Variants in RALYL observed in about 807,000 individuals in gnomAD.
RALYL encodes the protein RNA-binding Raly-like protein.
RALYL carries 29 observed loss-of-function variants against 35.1 expected under a neutral mutation model. The ratio of observed to expected loss-of-function variants is 0.83; its 90% confidence interval spans 0.61 to 1.13. The LOEUF is 1.13. Among genes scored for constraint, RALYL ranks in the 50% most tolerant of loss-of-function variants. The probability of loss-of-function intolerance (pLI) is 0.00; values close to 1 mark genes in which losing one functional copy is unlikely to be tolerated. For synonymous variants in RALYL, 120 were observed against 127.6 expected, an observed-to-expected ratio of 0.94 and a Z score of 0.40; for missense variants, 359 against 360.4, an observed-to-expected ratio of 1.00 and a Z score of 0.03.
intron 1 of RALYL, among the ~76,000 whole-genome samples, chr8:84,312,966 G>T (rs1452548944): frequency 2.0e-5 from 3 of 152,200 alleles, no homozygotes; most frequent in Non-Finnish European, 4.4e-5. Context: ...TGAGGGCTCT[G>T]CCCCTGCAGC....
At chr8:84,893,050 A>G (rs530737861) in intron 8 of RALYL, among the ~76,000 whole-genome samples, 15 of 152,346 alleles carry the variant, frequency 9.8e-5, no homozygotes, top group African/African-American at 3.1e-4. Context: ...GACAAAAAAT[A>G]CAATGCAGCA....
rs74275174 is a variant in RALYL, at chr8:84,411,495, CT to C, written c.-23-117794del. On this transcript the variant is annotated intron_variant, in intron 1 of 8. Coordinates refer to ENST00000521268, the MANE Select transcript of RALYL (RefSeq NM_173848.7). Reference sequence around the variant, plus strand: ...TATGGGGAACATTGAATTCTTTTTACTTTTTTTTTTCCTGGTTTTGTTCTTT... The same window carrying C: ...TATGGGGAACATTGAATTCTTTTTACTTTTTTTTTCCTGGTTTTGTTCTTT... Among the ~76,000 whole-genome samples, 8 of 149,472 alleles carry C rather than the reference CT, an allele frequency of 5.4e-5. No individual in the cohort carries two copies. In the East Asian group the frequency reaches 7.8e-4, roughly 15 times the overall value.
chr8:84,717,209 T>C (rs1843086517), intron 2 of RALYL, among the ~76,000 whole-genome samples: 1 of 152,140 alleles, frequency 6.6e-6, no homozygotes, highest in Non-Finnish European at 1.5e-5. Flanking sequence ...TAGATGTGTT[T>C]GTTACTATGA....
intron 1 of RALYL, among the ~76,000 whole-genome samples, chr8:84,520,326 T>C (rs1367175503): frequency 1.3e-5 from 2 of 152,176 alleles, no homozygotes; most frequent in African/African-American, 4.8e-5. Flanking sequence ...TAGAATTATA[T>C]CAGTTTGGTC....
chr8:84,588,883 C>G (rs1002634608), intron 2 of RALYL, among the ~76,000 whole-genome samples: 1 of 150,386 alleles, frequency 6.6e-6, no homozygotes, highest in Non-Finnish European at 1.5e-5. Flanking sequence ...TATTCTTTCC[C>G]CTGTCTCCCA....
intron 1 of RALYL, among the ~76,000 whole-genome samples, chr8:84,367,318 A>ATTTGTTTTTT (rs756622990): frequency 3.6e-5 from 1 of 27,400 alleles, no homozygotes; most frequent in Non-Finnish European, 9.9e-5. Flanking sequence ...TAATTTTTGT[A>ATTTGTTTTTT]TTTTTTTTTT....
At chr8:84,370,949 C>A (rs1855555260) in intron 1 of RALYL, among the ~76,000 whole-genome samples, 2 of 151,780 alleles carry the variant, frequency 1.3e-5, no homozygotes, top group Non-Finnish European at 2.9e-5. Flanking sequence ...ATAATGTTAC[C>A]CATAATAATT....
rs79810358 is a variant in RALYL, at chr8:84,478,619, C to T, written c.-23-50680C>T. 4.8e-3 allele frequency among the ~76,000 whole-genome samples: 725 copies of T among 152,166 alleles called. 8 individuals are homozygous for T. Among genetic ancestry groups the T allele is most frequent in the African/African-American group, 0.017 (706 of 41,522 alleles). On this transcript the variant is annotated intron_variant, in intron 1 of 8. Transcript: ENST00000521268. ...AGAATTCCTGGGTATCGATACTGCT[C>T]CTCTAATCTTAATAAAACCCTAGCT...
intron 1 of RALYL, among the ~76,000 whole-genome samples, chr8:84,399,018 A>G (rs1021569334): frequency 6.6e-6 from 1 of 150,772 alleles, no homozygotes; most frequent in Admixed American, 6.6e-5. Context: ...ATCTTATTAT[A>G]GTTTTGTCTG....
intron 1 of RALYL, among the ~76,000 whole-genome samples, chr8:84,413,328 A>G (rs1376629654): frequency 1.3e-5 from 2 of 151,736 alleles, no homozygotes; most frequent in African/African-American, 4.8e-5. Context: ...ATAAATGACT[A>G]TTATGTATTT....
At chr8:84,302,332 C>G (rs569923395) in intron 1 of RALYL, among the ~76,000 whole-genome samples, 2 of 152,226 alleles carry the variant, frequency 1.3e-5, no homozygotes, top group African/African-American at 4.8e-5. Flanking sequence ...ATTCTTTTCT[C>G]TAGATCTTAA....
At chr8:84,814,409 T>G (rs1348208758) in intron 4 of RALYL, among the ~76,000 whole-genome samples, 1 of 152,110 alleles carries the variant, frequency 6.6e-6, no homozygotes, top group African/African-American at 2.4e-5. Flanking sequence ...TGTTTCAGAT[T>G]TTAATGATGA....
chr8:84,539,935 C>T (rs1204387563), intron 2 of RALYL, among the ~76,000 whole-genome samples: 4 of 146,900 alleles, frequency 2.7e-5, no homozygotes, highest in Non-Finnish European at 6.0e-5. Context: ...CACACACACA[C>T]ACATGCACAT....
chr8:84,319,572 A>G (rs1844403506), intron 1 of RALYL, among the ~76,000 whole-genome samples: 1 of 152,116 alleles, frequency 6.6e-6, no homozygotes, highest in African/African-American at 2.4e-5. Context: ...CAGATACCAG[A>G]TGATACGCTC....
intron 2 of RALYL, chr8:84,679,055 T>C: frequency 3.1e-6 from 1 of 320,000 alleles, no homozygotes; most frequent in Non-Finnish European, 6.3e-6. Context: ...AATAAGCAAA[T>C]GCTCCAGGGT....
At chr8:84,918,236 A>G (rs1013096472) in intron 8 of RALYL, among the ~76,000 whole-genome samples, 1 of 152,026 alleles carries the variant, frequency 6.6e-6, no homozygotes, top group Non-Finnish European at 1.5e-5. Flanking sequence ...TAAAAGTATG[A>G]TTTTCTGGGC....
chr8:84,780,564 T>G (rs1586196804), intron 3 of RALYL, among the ~76,000 whole-genome samples: 1 of 152,234 alleles, frequency 6.6e-6, no homozygotes, highest in South Asian at 2.1e-4. Flanking sequence ...CTTTATTGAT[T>G]GTTTAAATTT....
At chr8:84,283,219 A>G (rs769103955) in intron 1 of RALYL, among the ~76,000 whole-genome samples, 1 of 152,128 alleles carries the variant, frequency 6.6e-6, no homozygotes, top group Non-Finnish European at 1.5e-5. Flanking sequence ...AATTATGTGT[A>G]AAAGAGTTAA....
At chr8:84,451,871 C>T (rs1434749028) in intron 1 of RALYL, among the ~76,000 whole-genome samples, 1 of 151,826 alleles carries the variant, frequency 6.6e-6, no homozygotes, top group Non-Finnish European at 1.5e-5. Context: ...CTTTGTTTTT[C>T]TCTATAACTC....
Sources: gnomAD v4.1 joint callset for allele counts (sites outside exome capture counted in the v4.1 genomes callset) on GRCh38, gnomAD v4.1.1 for gene constraint, MANE v1.5 for transcripts, NCBI Gene and HGNC (gene_info 2026-07-23, HGNC 2026-07-21) for gene names.